Variants in TNFSF4 observed in about 807,000 individuals in gnomAD.
TNFSF4 encodes the protein tumor necrosis factor ligand superfamily member 4.
A neutral mutation model predicts 7.3 loss-of-function variants in TNFSF4; 4 were observed. The observed-to-expected ratio is 0.55, with a 90% CI of 0.27 to 1.25. TNFSF4 has a LOEUF of 1.25. Among genes scored for constraint, TNFSF4 ranks in the 50% most tolerant of loss-of-function variants. The pLI is 0.12. For synonymous variants in TNFSF4, 76 were observed against 83.7 expected (o/e 0.91, Z 0.50); for missense variants, 181 against 208.8 (o/e 0.87, Z 0.82).
chr1:173,200,055 A>T (rs2101996019), intron 1 of TNFSF4, among the ~76,000 whole-genome samples: 1 of 152,288 alleles, frequency 6.6e-6, no homozygotes, highest in East Asian at 1.9e-4. Flanking sequence ...ATCTTTTTTT[A>T]AAAAGAGTCT....
chr1:173,333,749 T>C, the TNFSF4 span, among the ~76,000 whole-genome samples: 1 of 152,162 alleles, frequency 6.6e-6, no homozygotes, highest in Non-Finnish European at 1.5e-5. Context: ...AAAATTTCTG[T>C]TGTCTAAACC....
chr1:173,260,105 C>T, the TNFSF4 span, among the ~76,000 whole-genome samples: 1 of 152,092 alleles, frequency 6.6e-6, no homozygotes, highest in Non-Finnish European at 1.5e-5. Context: ...GGACAGGTCA[C>T]CTACAAAGAG....
chr1:173,444,431 ATAAATTT>A, the TNFSF4 span, among the ~76,000 whole-genome samples: 1 of 152,172 alleles, frequency 6.6e-6, no homozygotes, highest in Admixed American at 6.5e-5. Flanking sequence ...ATGTTCTAAT[ATAAATTT>A]TAAATTTTCA....
the TNFSF4 span, among the ~76,000 whole-genome samples, chr1:173,407,713 T>TGTGTGC: frequency 2.5e-4 from 38 of 151,802 alleles, no homozygotes; most frequent in African/African-American, 7.0e-4. Flanking sequence ...GGTGTGTGTG[T>TGTGTGC]GTGTGTGTGT....
the TNFSF4 span, among the ~76,000 whole-genome samples, chr1:173,313,080 C>G: frequency 8.5e-5 from 13 of 152,056 alleles, no homozygotes; most frequent in African/African-American, 3.1e-4. Flanking sequence ...AGTGGATATT[C>G]CCTTCACTTT....
At chr1:173,203,053 A>C (rs1360065947) in intron 1 of TNFSF4, among the ~76,000 whole-genome samples, 1 of 152,154 alleles carries the variant, frequency 6.6e-6, no homozygotes, top group Non-Finnish European at 1.5e-5. Flanking sequence ...AATAGTTCAA[A>C]AACCTTCTCC....
At chr1:173,291,109 A>C in the TNFSF4 span, among the ~76,000 whole-genome samples, 1 of 152,220 alleles carries the variant, frequency 6.6e-6, no homozygotes, top group East Asian at 1.9e-4. Context: ...ATATACAGGA[A>C]GCACAATGGC....
At chr1:173,195,437 T>C (rs1470056575) in intron 1 of TNFSF4, among the ~76,000 whole-genome samples, 1 of 152,220 alleles carries the variant, frequency 6.6e-6, no homozygotes, top group African/African-American at 2.4e-5. Flanking sequence ...AGGCTCCCCA[T>C]GCAGGTGTAG....
the TNFSF4 span, among the ~76,000 whole-genome samples, chr1:173,385,013 A>G: frequency 2.0e-5 from 3 of 152,276 alleles, no homozygotes; most frequent in Non-Finnish European, 4.4e-5. Context: ...AAGCATAAAT[A>G]GCAAACAGGA....
chr1:173,322,380 A>G, the TNFSF4 span, among the ~76,000 whole-genome samples: 1 of 152,114 alleles, frequency 6.6e-6, no homozygotes, highest in African/African-American at 2.4e-5. Context: ...TAAGGTATGT[A>G]GGGCTTAAAA....
the TNFSF4 span, among the ~76,000 whole-genome samples, chr1:173,390,229 T>C: frequency 3.3e-5 from 5 of 152,180 alleles, no homozygotes. Context: ...TTTCTTCAGG[T>C]CAGTGTCCAG....
At chr1:173,345,200 T>C in the TNFSF4 span, among the ~76,000 whole-genome samples, 1 of 152,216 alleles carries the variant, frequency 6.6e-6, no homozygotes, top group Non-Finnish European at 1.5e-5. Context: ...CTTTTTGCTG[T>C]TTCACAAGGA....
At chr1:173,341,157 C>CAATTA in the TNFSF4 span, among the ~76,000 whole-genome samples, 1 of 152,180 alleles carries the variant, frequency 6.6e-6, no homozygotes, top group Non-Finnish European at 1.5e-5. Flanking sequence ...TACTGTGAGT[C>CAATTA]AATTAAACCT....
the TNFSF4 span, chr1:173,418,154 G>C: frequency 2.0e-5 from 3 of 152,214 alleles, no homozygotes; most frequent in Non-Finnish European, 4.4e-5. Context: ...AAGCACGCAG[G>C]GGCCCTGACT....
the TNFSF4 span, among the ~76,000 whole-genome samples, chr1:173,301,875 A>G: frequency 7.2e-6 from 1 of 139,030 alleles, no homozygotes; most frequent in East Asian, 2.1e-4. Context: ...CTCATTTACC[A>G]CTTCTCATTC....
chr1:173,347,029 C>T, the TNFSF4 span, among the ~76,000 whole-genome samples: 15 of 152,284 alleles, frequency 9.9e-5, no homozygotes, highest in African/African-American at 3.4e-4. Context: ...GGTGTAGCCA[C>T]GATATTTGCT....
At chr1:173,366,128 T>C in the TNFSF4 span, among the ~76,000 whole-genome samples, 1 of 152,180 alleles carries the variant, frequency 6.6e-6, no homozygotes, top group African/African-American at 2.4e-5. Context: ...ACTCCTAGTA[T>C]ATACCCAAAA....
the TNFSF4 span, among the ~76,000 whole-genome samples, chr1:173,214,680 C>A: frequency 6.6e-6 from 1 of 152,190 alleles, no homozygotes; most frequent in Non-Finnish European, 1.5e-5. Context: ...ACATGTGGAC[C>A]ACAGGCCACG....
chr1:173,212,976 G>A, the TNFSF4 span, among the ~76,000 whole-genome samples: 1 of 152,094 alleles, frequency 6.6e-6, no homozygotes, highest in Non-Finnish European at 1.5e-5. Flanking sequence ...TACTCTCAGA[G>A]GGCCAAATTG....
Sources: gnomAD v4.1 joint callset for allele counts (sites outside exome capture counted in the v4.1 genomes callset) on GRCh38, gnomAD v4.1.1 for gene constraint, MANE v1.5 for transcripts, NCBI Gene and HGNC (gene_info 2026-07-23, HGNC 2026-07-21) for gene names.